Variants in TRAK1 observed in about 807,000 individuals in gnomAD.
The protein encoded by TRAK1 is trafficking kinesin-binding protein 1.
TRAK1 carries 33 observed loss-of-function variants against 92.1 expected under a neutral mutation model. The ratio of observed to expected loss-of-function variants is 0.36; its 90% CI spans 0.27 to 0.48. TRAK1 has a LOEUF of 0.48. Ranked by LOEUF, TRAK1 falls within the 20% of genes least tolerant of loss-of-function variation. The pLI, the probability that TRAK1 is intolerant of heterozygous loss-of-function variation, is 0.99. For synonymous variants in TRAK1, 521 were observed against 517.3 expected, an observed-to-expected ratio of 1.01 and a Z score of -0.10; for missense variants, 1,123 against 1,257.9, an observed-to-expected ratio of 0.89 and a Z score of 1.62.
At chr3:42,013,563 G>A (rs555730854), upstream of TRAK1, among the ~76,000 whole-genome samples, 219 of 150,850 alleles carry the variant, frequency 1.5e-3, no homozygotes, top group Admixed American at 2.5e-3. The surrounding 1 kb of genome is among the most constrained non-coding windows in gnomAD (Gnocchi z 5.1). Flanking sequence ...GGCGCGGGGC[G>A]GCGGGCGGGG....
chr3:42,013,647 G>C (rs1037489494), upstream of TRAK1, among the ~76,000 whole-genome samples: 2 of 147,810 alleles, frequency 1.4e-5, no homozygotes, highest in African/African-American at 2.4e-5. This position sits in a 1 kb window ranked among gnomAD's most constrained non-coding sequence, Gnocchi z 5.1. Context: ...CCGCCCGCTC[G>C]CGGGGGAGCC....
intron 1 of TRAK1, among the ~76,000 whole-genome samples, chr3:42,121,233 C>A (rs1709808030): frequency 6.6e-6 from 1 of 151,492 alleles, no homozygotes; most frequent in Non-Finnish European, 1.5e-5. Context: ...TGATGTTTGG[C>A]ATGGTGAAAG....
intron 2 of TRAK1, chr3:42,160,091 T>TC: frequency 7.0e-6 from 7 of 996,830 alleles, no homozygotes; most frequent in Non-Finnish European, 9.0e-6. Context: ...AGCAGGGCAT[T>TC]CCCACCCCGC....
At chr3:42,029,895 G>A (rs925217080) in intron 1 of TRAK1, among the ~76,000 whole-genome samples, 1 of 152,034 alleles carries the variant, frequency 6.6e-6, no homozygotes, top group African/African-American at 2.4e-5. Context: ...TGGAGAGCCA[G>A]AATAGGGGAG....
At chr3:42,138,087 A>C (rs946538182) in intron 2 of TRAK1, among the ~76,000 whole-genome samples, 2 of 152,148 alleles carry the variant, frequency 1.3e-5, no homozygotes, top group Non-Finnish European at 2.9e-5. Context: ...TTTTTGTTTT[A>C]TAGAAATTGT....
chr3:42,092,763 G>A (rs11129939), intron 1 of TRAK1, among the ~76,000 whole-genome samples: 17,566 of 147,294 alleles, frequency 0.12, 1,151 homozygotes, highest in Non-Finnish European at 0.13. Context: ...GTTATGTTAT[G>A]TTATGTTATT....
At chr3:42,160,262 T>C (rs1173268334) in intron 2 of TRAK1, 16 of 1,547,678 alleles carry the variant, frequency 1.0e-5, no homozygotes, top group Non-Finnish European at 1.2e-5. Context: ...GTGTGTGCCC[T>C]GGGGGCCCAG....
At chr3:42,211,999 T>C (rs906037922) in intron 14 of TRAK1, 1 of 985,340 alleles carries the variant, frequency 1.0e-6, no homozygotes, top group African/African-American at 1.7e-5. Flanking sequence ...ATTTTCTGGG[T>C]AAGGCTCATC....
chr3:42,032,133 A>G (rs1283460821), intron 1 of TRAK1, among the ~76,000 whole-genome samples: 1 of 152,170 alleles, frequency 6.6e-6, no homozygotes, highest in Non-Finnish European at 1.5e-5. Flanking sequence ...TGATGCTTCA[A>G]GTGGGTAAGT....
intron 1 of TRAK1, among the ~76,000 whole-genome samples, chr3:42,074,335 C>G (rs144007843): frequency 2.0e-5 from 3 of 152,244 alleles, no homozygotes; most frequent in African/African-American, 7.2e-5. Flanking sequence ...CTGGGGCTGT[C>G]GACGCTTTAA....
At chr3:42,073,117 G>A (rs1282508623) in intron 1 of TRAK1, among the ~76,000 whole-genome samples, 1 of 152,200 alleles carries the variant, frequency 6.6e-6, no homozygotes, top group Non-Finnish European at 1.5e-5. Flanking sequence ...AGTCATTCGA[G>A]CAGAATCTGT....
chr3:42,013,482 G>A (rs1239828265), upstream of TRAK1, among the ~76,000 whole-genome samples: 1 of 151,770 alleles, frequency 6.6e-6, no homozygotes, highest in Non-Finnish European at 1.5e-5. This position sits in a 1 kb window ranked among gnomAD's most constrained non-coding sequence, Gnocchi z 5.1. Flanking sequence ...CGCGGGCGAG[G>A]AAGGCGGGGC....
chr3:42,079,191 A>T (rs1376215039), intron 1 of TRAK1, among the ~76,000 whole-genome samples: 2 of 152,226 alleles, frequency 1.3e-5, no homozygotes, highest in African/African-American at 4.8e-5. Context: ...AATTTGTTAC[A>T]GTAGTAATAG....
intron 1 of TRAK1, among the ~76,000 whole-genome samples, chr3:42,029,911 A>T (rs1397002550): frequency 6.6e-6 from 1 of 151,994 alleles, no homozygotes. Flanking sequence ...GGGAGGCACG[A>T]TTGGAAGTAC....
At chr3:42,085,702 T>C (rs1185745422), upstream of TRAK1, among the ~76,000 whole-genome samples, 2 of 152,268 alleles carry the variant, frequency 1.3e-5, no homozygotes, top group African/African-American at 4.8e-5. Context: ...CATCATTTAT[T>C]AGAGCAGTGG....
At chr3:42,089,436 C>G (rs1160316331), upstream of TRAK1, among the ~76,000 whole-genome samples, 1 of 152,092 alleles carries the variant, frequency 6.6e-6, no homozygotes, top group Non-Finnish European at 1.5e-5. Context: ...CTCCAAACTT[C>G]CAGTGAGCTC....
At chr3:42,181,748 A>G (rs538380384) in intron 3 of TRAK1, among the ~76,000 whole-genome samples, 286 of 152,274 alleles carry the variant, frequency 1.9e-3, no homozygotes, top group Non-Finnish European at 3.6e-3. Flanking sequence ...TGGAGACTAT[A>G]CTTCCAAAGA....
intron 1 of TRAK1, among the ~76,000 whole-genome samples, chr3:42,097,421 G>A (rs575848379): frequency 6.6e-6 from 1 of 152,162 alleles, no homozygotes; most frequent in Non-Finnish European, 1.5e-5. Flanking sequence ...GTGTGTGGGC[G>A]CTCACTGTCT....
intron 14 of TRAK1, among the ~76,000 whole-genome samples, chr3:42,215,330 G>A (rs1709552009): frequency 6.6e-6 from 1 of 152,134 alleles, no homozygotes; most frequent in Non-Finnish European, 1.5e-5. Context: ...CACCCCTCAA[G>A]CAAAAGGCAA....
Sources: allele counts gnomAD v4.1 joint callset (sites outside exome capture counted in the v4.1 genomes callset), GRCh38; gene constraint gnomAD v4.1.1; non-coding constraint Gnocchi (gnomAD v3.1); transcripts MANE v1.5; gene names NCBI Gene and HGNC (gene_info 2026-07-23, HGNC 2026-07-21).